Variants in CSMD1 observed in about 807,000 individuals in gnomAD.
The protein encoded by CSMD1 is CUB and Sushi multiple domains 1.
Under a neutral mutation model 417.5 loss-of-function variants are expected in CSMD1, and 213 were observed. The ratio of observed to expected loss-of-function variants is 0.51; its 90% confidence interval spans 0.46 to 0.57. The LOEUF (loss-of-function observed/expected upper bound fraction) is 0.57, where lower values mean the gene tolerates loss of function less well. Ranked by LOEUF, CSMD1 falls within the 20% of genes least tolerant of loss-of-function variation. CSMD1 has a pLI of 0.00. For synonymous variants in CSMD1, 2,862 were observed against 1,736.8 expected (o/e 1.65, Z -16.11); for missense variants, 6,923 against 4,529.7 (o/e 1.53, Z -15.17).
chr8:3,672,659 G>T (rs536743079), intron 7 of CSMD1, among the ~76,000 whole-genome samples: 3 of 152,208 alleles, frequency 2.0e-5, no homozygotes, highest in Non-Finnish European at 4.4e-5. Flanking sequence ...ACATGGTGCA[G>T]TGTCACTGGG....
In CSMD1 at chr8:3,229,578, C is replaced by G. The variant is rs976392985; in HGVS notation, c.4345+462G>C. Among the ~76,000 whole-genome samples, 33 of 152,148 alleles carry G rather than the reference C, an allele frequency of 2.2e-4. 1 individual carries two copies. The highest frequency in any genetic ancestry group is 2.6e-4 in the Non-Finnish European group (18 of 67,982). The stretch of plus-strand genomic sequence containing the variant: ...CCTTTTATCTTCATTTTAACACAAA[C>G]AGTATAATTTCTAGTTTTCAGAATT... On this transcript the variant is annotated intron_variant, in intron 27 of 69. Coordinates refer to ENST00000635120, the MANE Select transcript of CSMD1 (RefSeq NM_033225.6).
chr8:3,245,743 G>T (rs1013397228), intron 26 of CSMD1, among the ~76,000 whole-genome samples: 1 of 152,152 alleles, frequency 6.6e-6, no homozygotes, highest in African/African-American at 2.4e-5. Flanking sequence ...CCAATTTCTG[G>T]GTGGATCTAG....
chr8:4,740,868 T>G (rs1302275532), intron 1 of CSMD1, among the ~76,000 whole-genome samples: 2 of 152,348 alleles, frequency 1.3e-5, no homozygotes, highest in South Asian at 2.1e-4. Context: ...ACTTCTTCCC[T>G]GAGACATCAT....
chr8:4,831,617 C>T (rs1364337927), intron 1 of CSMD1, among the ~76,000 whole-genome samples: 2 of 152,226 alleles, frequency 1.3e-5, no homozygotes, highest in African/African-American at 4.8e-5. Context: ...CACCTGGTGA[C>T]ACTCTTTCTT....
intron 2 of CSMD1, among the ~76,000 whole-genome samples, chr8:4,445,009 T>G (rs1798699037): frequency 6.6e-6 from 1 of 152,220 alleles, no homozygotes; most frequent in African/African-American, 2.4e-5. Context: ...GATTTTCAGG[T>G]GTTAAAATGA....
rs945885556 is a variant in CSMD1 at position 3,353,614 on chromosome 8, G to C, written c.3305-5453C>G. On this transcript the variant is annotated intron_variant, in intron 21 of 69. Coordinates refer to ENST00000635120, the MANE Select transcript of CSMD1 (RefSeq NM_033225.6). Reference sequence around the variant, plus strand: ...ACATTAAGTAAAGAGCAAGTGCTCAGAAAATCACAAGAGTTAAGTGACCAA... The same window carrying C: ...ACATTAAGTAAAGAGCAAGTGCTCACAAAATCACAAGAGTTAAGTGACCAA... 3.3e-5 allele frequency among the ~76,000 whole-genome samples: 5 copies of C among 152,214 alleles called. No homozygotes were observed. In the East Asian group the frequency reaches 9.7e-4, roughly 29 times the overall value.
chr8:4,677,253 C>G (rs1346065463), intron 1 of CSMD1, among the ~76,000 whole-genome samples: 1 of 151,326 alleles, frequency 6.6e-6, no homozygotes, highest in Non-Finnish European at 1.5e-5. Flanking sequence ...AGAAATAATT[C>G]TACTTTGTTG....
intron 3 of CSMD1, among the ~76,000 whole-genome samples, chr8:4,065,222 A>C (rs1044000579): frequency 6.6e-6 from 1 of 152,196 alleles, no homozygotes; most frequent in African/African-American, 2.4e-5. Flanking sequence ...AAATAGTCCT[A>C]AACACATAAA....
In CSMD1 at chr8:4,083,963, C is replaced by T. The variant is rs533392425; in HGVS notation, c.416-51864G>A. ...CTCACATCTGACAAAGGGCTAATAT[C>T]CAGAATCTACAATGAACTCAAACAA... On this transcript the variant is annotated intron_variant, in intron 3 of 69. Coordinates refer to ENST00000635120, the MANE Select transcript of CSMD1 (RefSeq NM_033225.6). Among the ~76,000 whole-genome samples, 162 of 152,192 alleles carry T rather than the reference C, an allele frequency of 1.1e-3. 2 individuals carry two copies. Among genetic ancestry groups the T allele is most frequent in the South Asian group, 7.3e-3 (35 of 4,806 alleles).
intron 3 of CSMD1, among the ~76,000 whole-genome samples, chr8:4,326,002 A>G (rs952305517): frequency 2.0e-5 from 3 of 152,144 alleles, no homozygotes; most frequent in Non-Finnish European, 4.4e-5. Context: ...CGAACTCAGT[A>G]AAGACGTTGG....
chr8:3,085,750 C>G (rs1814484827), intron 49 of CSMD1, among the ~76,000 whole-genome samples: 1 of 152,212 alleles, frequency 6.6e-6, no homozygotes, highest in Non-Finnish European at 1.5e-5. Context: ...CAACCATTCA[C>G]TGAAAGGGTA....
At chr8:4,117,530 A>C (rs1325637964) in intron 3 of CSMD1, among the ~76,000 whole-genome samples, 1 of 152,214 alleles carries the variant, frequency 6.6e-6, no homozygotes, top group Non-Finnish European at 1.5e-5. Flanking sequence ...TCGGCAGCCT[A>C]TTATAATACT....
Position 4,647,362 on chromosome 8 carries a change from G to A in CSMD1, c.86-9804C>T, listed in dbSNP as rs570715870. Among the ~76,000 whole-genome samples the A allele has an allele frequency of 1.4e-3, 208 of 151,000 alleles. 6 individuals are homozygous for A. The South Asian group carries it at 0.042, about 30-fold the overall frequency. On this transcript the variant is annotated intron_variant, in intron 1 of 69. Coordinates refer to ENST00000635120, the MANE Select transcript of CSMD1 (RefSeq NM_033225.6). ...TACGTAGGTACGCGTGTGCCACGGC[G>A]GCCTGCTACGTAGGTACGCGTGTGC...
At chr8:4,024,114 A>T (rs1450440671) in intron 4 of CSMD1, among the ~76,000 whole-genome samples, 1 of 152,142 alleles carries the variant, frequency 6.6e-6, no homozygotes, top group Non-Finnish European at 1.5e-5. Context: ...ACTAAATGGA[A>T]AGACAAGAGA....
chr8:4,847,516 T>C (rs73659213), intron 1 of CSMD1, among the ~76,000 whole-genome samples: 150 of 152,322 alleles, frequency 9.8e-4, no homozygotes, highest in African/African-American at 3.5e-3. Context: ...ATTAGTGTCA[T>C]ACACTTGTCA....
intron 4 of CSMD1, among the ~76,000 whole-genome samples, chr8:4,009,266 T>C (rs899837392): frequency 6.6e-6 from 1 of 152,220 alleles, no homozygotes; most frequent in Non-Finnish European, 1.5e-5. Context: ...TTCAGACTTT[T>C]TAAAAAAGTG....
intron 3 of CSMD1, among the ~76,000 whole-genome samples, chr8:4,356,500 T>A (rs558654409): frequency 1.2e-4 from 19 of 152,296 alleles, no homozygotes; most frequent in Admixed American, 3.3e-4. Flanking sequence ...GGAGTGGGAT[T>A]GCTGGATCAA....
chr8:3,189,049 G>C, intron 34 of CSMD1, 38 bp from the exon 35 acceptor site: 5 of 1,584,648 alleles, frequency 3.2e-6, no homozygotes, highest in Non-Finnish European at 3.4e-6. Flanking sequence ...ATAAAGTGCT[G>C]TGGGACAGTG....
intron 5 of CSMD1, among the ~76,000 whole-genome samples, chr8:3,897,955 A>G (rs1385280673): frequency 6.6e-6 from 1 of 152,206 alleles, no homozygotes; most frequent in Non-Finnish European, 1.5e-5. Context: ...CACCAAATGA[A>G]GACACAAAAT....
Sources: allele counts gnomAD v4.1 joint callset (sites outside exome capture counted in the v4.1 genomes callset), GRCh38; gene constraint gnomAD v4.1.1; transcripts MANE v1.5; gene names NCBI Gene and HGNC (gene_info 2026-07-23, HGNC 2026-07-21).